Variants in AUTS2 observed in about 807,000 individuals in gnomAD.
AUTS2 encodes activator of transcription and developmental regulator AUTS2, also known as autism susceptibility gene 2 protein.
Under a neutral mutation model 112.4 loss-of-function variants are expected in AUTS2, and 17 were observed. The observed-to-expected ratio is 0.15, with a 90% CI of 0.10 to 0.23. The LOEUF (loss-of-function observed/expected upper bound fraction) is 0.23, where lower values mean the gene tolerates loss of function less well. AUTS2 is among the 10% of genes least tolerant of loss of function. AUTS2 has a pLI of 1.00. For missense variants in AUTS2, 1,510 were observed against 1,701.6 expected (o/e 0.89, Z 1.98); for synonymous variants, 751 against 702.7 (o/e 1.07, Z -1.09).
intron 1 of AUTS2, among the ~76,000 whole-genome samples, chr7:69,775,653 C>T (rs1382180382): frequency 6.6e-6 from 1 of 152,088 alleles, no homozygotes; most frequent in Non-Finnish European, 1.5e-5. Context: ...CATTCCGCAG[C>T]ACACATTTCA....
chr7:70,008,854 T>A (rs1368991799), intron 2 of AUTS2, among the ~76,000 whole-genome samples: 1 of 152,212 alleles, frequency 6.6e-6, no homozygotes, highest in African/African-American at 2.4e-5. Flanking sequence ...GTCCTTTTTT[T>A]CATATTACCC....
At chr7:70,598,567 T>A (rs544463570) in intron 5 of AUTS2, among the ~76,000 whole-genome samples, 1 of 152,268 alleles carries the variant, frequency 6.6e-6, no homozygotes, top group South Asian at 2.1e-4. Flanking sequence ...CACACCTGAC[T>A]GTGAGCTGTT....
At chr7:69,923,965 G>T (rs991189201) in intron 2 of AUTS2, among the ~76,000 whole-genome samples, 1 of 152,092 alleles carries the variant, frequency 6.6e-6, no homozygotes. Context: ...TCTCTGTCAG[G>T]AACTTACAGG....
chr7:70,614,629 T>G (rs1804258751), intron 5 of AUTS2, among the ~76,000 whole-genome samples: 1 of 152,184 alleles, frequency 6.6e-6, no homozygotes, highest in African/African-American at 2.4e-5. Context: ...GCTTTTGTCC[T>G]CCTCTCTGCT....
intron 4 of AUTS2, among the ~76,000 whole-genome samples, chr7:70,284,059 C>T (rs564670400): frequency 6.6e-6 from 1 of 152,142 alleles, no homozygotes; most frequent in Non-Finnish European, 1.5e-5. Flanking sequence ...TTTGTTTTGT[C>T]ATTATAAAAT....
intron 6 of AUTS2, among the ~76,000 whole-genome samples, chr7:70,758,298 A>G (rs1789349852): frequency 6.6e-6 from 1 of 152,050 alleles, no homozygotes; most frequent in African/African-American, 2.4e-5. Flanking sequence ...GTACTATTTC[A>G]TTGTGTCTGT....
At chr7:70,783,281 A>T (rs1196055065) in intron 15 of AUTS2, 1 of 152,176 alleles carries the variant, frequency 6.6e-6, no homozygotes, top group Non-Finnish European at 1.5e-5. Context: ...TCATTTTTAC[A>T]CTTCCCAGGT....
intron 5 of AUTS2, among the ~76,000 whole-genome samples, chr7:70,598,570 G>C (rs1317942515): frequency 1.3e-5 from 2 of 152,080 alleles, no homozygotes. Context: ...ACCTGACTGT[G>C]AGCTGTTGTA....
At chr7:70,053,623 T>C (rs1011876020) in intron 2 of AUTS2, among the ~76,000 whole-genome samples, 1 of 151,116 alleles carries the variant, frequency 6.6e-6, no homozygotes, top group Non-Finnish European at 1.5e-5. Flanking sequence ...CACTGAAGCC[T>C]TGCCCTCCAG....
intron 4 of AUTS2, among the ~76,000 whole-genome samples, chr7:70,325,626 A>G (rs555983716): frequency 2.0e-5 from 3 of 152,326 alleles, no homozygotes; most frequent in Non-Finnish European, 4.4e-5. Flanking sequence ...AGTTTAAACA[A>G]GTAGAACCTG....
At chr7:69,686,635 A>G (rs1797078989) in intron 1 of AUTS2, among the ~76,000 whole-genome samples, 1 of 152,240 alleles carries the variant, frequency 6.6e-6, no homozygotes. Flanking sequence ...TTGTCTTGAC[A>G]TAAGTAATTT....
intron 1 of AUTS2, among the ~76,000 whole-genome samples, chr7:69,748,269 G>A (rs1410214090): frequency 1.3e-5 from 2 of 152,192 alleles, no homozygotes; most frequent in African/African-American, 2.4e-5. Flanking sequence ...AAGGAATGAA[G>A]TATATGGGAA....
At chr7:69,829,064 A>T (rs781550643) in intron 1 of AUTS2, among the ~76,000 whole-genome samples, 29 of 152,212 alleles carry the variant, frequency 1.9e-4, no homozygotes, top group Non-Finnish European at 3.8e-4. Context: ...ATGGAACAGA[A>T]TAGAGACCTC....
intron 5 of AUTS2, among the ~76,000 whole-genome samples, chr7:70,661,419 C>T (rs1197969140): frequency 1.3e-5 from 2 of 152,098 alleles, no homozygotes; most frequent in Admixed American, 6.5e-5. Context: ...AGTGAATAGT[C>T]GCTCCCTGTG....
chr7:70,597,596 G>A (rs564489094), intron 5 of AUTS2, among the ~76,000 whole-genome samples: 101 of 152,316 alleles, frequency 6.6e-4, no homozygotes, highest in African/African-American at 2.2e-3. Context: ...CTCTTTGGTG[G>A]TGTATTGTTT....
chr7:70,454,733 C>T lies in AUTS2; in HGVS notation c.690+18952C>T, dbSNP rs549276676. ...TTCTAACTCTGCCTATCTCTGGAAT[C>T]CACTGAGGAGGAAAGTGGGCTTAAG... On this transcript the variant is annotated intron_variant, in intron 5 of 18. Transcript: ENST00000342771. Among the ~76,000 whole-genome samples the T allele has an allele frequency of 2.0e-4, 30 of 152,258 alleles. No individual in the cohort carries two copies. In the East Asian group the frequency reaches 5.0e-3, roughly 26 times the overall value.
intron 4 of AUTS2, among the ~76,000 whole-genome samples, chr7:70,336,283 C>A (rs186501339): frequency 7.3e-6 from 1 of 137,576 alleles, no homozygotes; most frequent in East Asian, 2.2e-4. Flanking sequence ...CCCAGCTGCA[C>A]CCCCTCCACC....
intron 1 of AUTS2, among the ~76,000 whole-genome samples, chr7:69,859,591 G>C (rs1792885997): frequency 6.6e-6 from 1 of 152,164 alleles, no homozygotes; most frequent in Admixed American, 6.5e-5. Flanking sequence ...ATCTCTTGTG[G>C]ATGTTTGCTT....
chr7:69,743,739 T>A, intron 1 of AUTS2, among the ~76,000 whole-genome samples: 1 of 152,294 alleles, frequency 6.6e-6, no homozygotes, highest in Non-Finnish European at 1.5e-5. Context: ...TTTTACACAC[T>A]CTCTTATGTC....
Sources: gnomAD v4.1 joint callset for allele counts (sites outside exome capture counted in the v4.1 genomes callset) on GRCh38, gnomAD v4.1.1 for gene constraint, MANE v1.5 for transcripts, NCBI Gene and HGNC (gene_info 2026-07-23, HGNC 2026-07-21) for gene names.